The following VPS50 variants were observed in gnomAD, a reference collection of about 807,000 sequenced individuals.
The protein encoded by VPS50 is VPS50 subunit of EARP/GARPII complex, also known as syndetin.
In VPS50, 70 loss-of-function variants were observed where a neutral mutation model predicts 139.7. The observed-to-expected ratio is 0.50, with a 90% CI of 0.41 to 0.61. The LOEUF (loss-of-function observed/expected upper bound fraction) is 0.61. Among genes scored for constraint, VPS50 ranks in the 20% least tolerant of loss-of-function variants. The pLI is 0.00. For missense variants in VPS50, 921 were observed against 1,133.7 expected (o/e 0.81, Z 2.69); for synonymous variants, 365 against 376.7 (o/e 0.97, Z 0.36).
chr7:93,317,891 G>A (rs1291592295), intron 20 of VPS50, among the ~76,000 whole-genome samples: 1 of 152,008 alleles, frequency 6.6e-6, no homozygotes, highest in Non-Finnish European at 1.5e-5. Context: ...GAAGTCATAA[G>A]TGCAGTCTTA....
At chr7:93,256,742 A>G (rs1290673197) in intron 5 of VPS50, among the ~76,000 whole-genome samples, 180 bp downstream of exon 5, 1 of 152,062 alleles carries the variant, frequency 6.6e-6, no homozygotes, top group Non-Finnish European at 1.5e-5. Context: ...GGGGTAATTT[A>G]CCAAACTGAA....
At chr7:93,327,534 A>G (rs528630454) in intron 21 of VPS50, among the ~76,000 whole-genome samples, 1 of 152,270 alleles carries the variant, frequency 6.6e-6, no homozygotes, top group Admixed American at 6.5e-5. Flanking sequence ...TATATTGCAT[A>G]TTTGATTTAA....
In VPS50 at chr7:93,249,169, AT is replaced by A. The variant is rs574751065; in HGVS notation, c.103-3483del. The stretch of plus-strand genomic sequence containing the variant: ...GGAAAGAATAGCATTTGACATACAT[AT>A]ACAGATTGTACTCCTTTTACAGATT... On this transcript the variant is annotated intron_variant, in intron 2 of 27. Coordinates refer to ENST00000305866, the MANE Select transcript of VPS50 (RefSeq NM_017667.4). Among the ~76,000 whole-genome samples, 1,032 of 152,276 alleles carry A rather than the reference AT, an allele frequency of 6.8e-3. 9 individuals are homozygous for A. The highest frequency in any genetic ancestry group is 0.011 in the Non-Finnish European group (733 of 68,010).
At chr7:93,252,614 A>G in intron 2 of VPS50, 39 bp from the exon 3 acceptor site, 1 of 1,408,442 alleles carries the variant, frequency 7.1e-7, no homozygotes, top group Admixed American at 1.9e-5. Context: ...TAATTTTAAC[A>G]GCTACAATTA....
chr7:93,297,063 A>G, intron 15 of VPS50, 82 bp from the exon 16 acceptor site: 5 of 1,492,176 alleles, frequency 3.4e-6, no homozygotes, highest in Non-Finnish European at 4.4e-6. Flanking sequence ...GATTTTTTTT[A>G]TCTTTGAAGA....
At chr7:93,319,020 G>C (rs1797520210) in intron 20 of VPS50, among the ~76,000 whole-genome samples, 1 of 152,128 alleles carries the variant, frequency 6.6e-6, no homozygotes, top group Non-Finnish European at 1.5e-5. Context: ...CCATTCCCCT[G>C]AATCCTAGCC....
chr7:93,253,232 T>A (rs1391891890), intron 3 of VPS50, among the ~76,000 whole-genome samples: 1 of 152,250 alleles, frequency 6.6e-6, no homozygotes, highest in Non-Finnish European at 1.5e-5. Context: ...AACCAAATGC[T>A]GTATGCATAT....
chr7:93,349,412 G>A (rs1798496357), intron 24 of VPS50, among the ~76,000 whole-genome samples: 1 of 152,190 alleles, frequency 6.6e-6, no homozygotes. Flanking sequence ...CTCCTGGAGG[G>A]TTTGAAACAG....
chr7:93,334,822 A>C (rs1798029799), intron 22 of VPS50, among the ~76,000 whole-genome samples: 1 of 152,346 alleles, frequency 6.6e-6, no homozygotes, highest in African/African-American at 2.4e-5. Context: ...AGCTAACATA[A>C]GCATTTAAAA....
intron 20 of VPS50, chr7:93,321,018 G>A (rs1797599667): frequency 6.6e-6 from 1 of 152,124 alleles, no homozygotes; most frequent in South Asian, 2.1e-4. Context: ...TGAGCTGCTG[G>A]CTGCTTGTTT....
At chr7:93,265,410 C>G (rs528691979) in intron 9 of VPS50, among the ~76,000 whole-genome samples, 4 of 152,264 alleles carry the variant, frequency 2.6e-5, no homozygotes, top group Non-Finnish European at 4.4e-5. Context: ...TGGCTATGTT[C>G]TACTAAAACT....
At chr7:93,299,228 T>C (rs956948081) in intron 16 of VPS50, among the ~76,000 whole-genome samples, 1 of 152,222 alleles carries the variant, frequency 6.6e-6, no homozygotes, top group Non-Finnish European at 1.5e-5. Context: ...ACCATCAATG[T>C]GTTCTAAGGT....
At chr7:93,269,992 A>G (rs73218088) in intron 9 of VPS50, among the ~76,000 whole-genome samples, 2,410 of 152,058 alleles carry the variant, frequency 0.016, 38 homozygotes, top group Non-Finnish European at 0.025. Context: ...ACTTGTTTGT[A>G]CTATTTTAAG....
intron 21 of VPS50, among the ~76,000 whole-genome samples, chr7:93,332,932 G>GA (rs1688284593): frequency 6.7e-6 from 1 of 150,100 alleles, no homozygotes; most frequent in South Asian, 2.1e-4. Flanking sequence ...ACTACAGTGA[G>GA]AGAAAGCAGG....
At chr7:93,358,237 A>G in intron 27 of VPS50, 80 bp from the exon 28 acceptor site, 1 of 1,317,284 alleles carries the variant, frequency 7.6e-7, no homozygotes, top group Non-Finnish European at 1.1e-6. Context: ...CTGCACCTGA[A>G]TATCCGCCTG....
intron 21 of VPS50, among the ~76,000 whole-genome samples, chr7:93,324,547 G>A (rs535884210): frequency 2.6e-5 from 4 of 152,158 alleles, no homozygotes; most frequent in South Asian, 2.1e-4. Flanking sequence ...TGAGATAATC[G>A]TGGTTTTTGT....
At chr7:93,330,438 AAAAC>A (rs929180721) in intron 21 of VPS50, among the ~76,000 whole-genome samples, 39 of 152,246 alleles carry the variant, frequency 2.6e-4, no homozygotes, top group Admixed American at 1.2e-3. Flanking sequence ...TCCACACTAA[AAAAC>A]AAAAAGACAT....
intron 23 of VPS50, among the ~76,000 whole-genome samples, chr7:93,344,605 A>G (rs1343090195): frequency 6.6e-6 from 1 of 151,908 alleles, no homozygotes; most frequent in Non-Finnish European, 1.5e-5. Context: ...AGCAAATGTA[A>G]AAGAACAGAA....
At chr7:93,233,898 C>T (rs553510677) in intron 1 of VPS50, among the ~76,000 whole-genome samples, 3 of 152,258 alleles carry the variant, frequency 2.0e-5, no homozygotes, top group South Asian at 2.1e-4. Context: ...AAGGCGTTAA[C>T]GGAGTTCCTG....
Sources: allele counts gnomAD v4.1 joint callset (sites outside exome capture counted in the v4.1 genomes callset), GRCh38; gene constraint gnomAD v4.1.1; transcripts MANE v1.5; gene names NCBI Gene and HGNC (gene_info 2026-07-23, HGNC 2026-07-21).